Variants in HIP1 observed in about 807,000 individuals in gnomAD.
HIP1 encodes the protein huntingtin interacting protein 1.
A neutral mutation model predicts 147.6 loss-of-function variants in HIP1; 65 were observed. That is an observed-to-expected ratio of 0.44 (90% confidence interval 0.36 to 0.54). The LOEUF (loss-of-function observed/expected upper bound fraction) is 0.54, where lower values mean the gene tolerates loss of function less well. HIP1 is among the 20% of genes least tolerant of loss of function. HIP1 has a pLI of 0.00. For synonymous variants in HIP1, 479 were observed against 504.0 expected, an observed-to-expected ratio of 0.95 and a Z score of 0.67; for missense variants, 1,061 against 1,299.6, an observed-to-expected ratio of 0.82 and a Z score of 2.82.
intron 4 of HIP1, among the ~76,000 whole-genome samples, chr7:75,591,677 G>GA (rs1796504993): frequency 6.7e-6 from 1 of 148,492 alleles, no homozygotes; most frequent in African/African-American, 2.5e-5. Flanking sequence ...TTGAGGCCAG[G>GA]AGTTCAAGAC....
intron 1 of HIP1, among the ~76,000 whole-genome samples, chr7:75,634,390 C>T (rs1798350755): frequency 2.0e-5 from 3 of 152,240 alleles, no homozygotes; most frequent in Admixed American, 6.5e-5. Flanking sequence ...ACCCCCAGCT[C>T]ATCTTTTGAA....
At chr7:75,545,001 A>G (rs1794494520) in intron 26 of HIP1, 87 bp downstream of exon 26, 1 of 856,726 alleles carries the variant, frequency 1.2e-6, no homozygotes, top group Non-Finnish European at 1.9e-6. Context: ...TAAGGGACAG[A>G]TTTTTTTTTC....
chr7:75,718,067 G>A (rs1352276774), intron 1 of HIP1, among the ~76,000 whole-genome samples: 2 of 151,894 alleles, frequency 1.3e-5, no homozygotes, highest in Non-Finnish European at 2.9e-5. Context: ...AGGACTGCTT[G>A]AGGCCAGTAG....
intron 1 of HIP1, among the ~76,000 whole-genome samples, chr7:75,716,833 G>C (rs782732979): frequency 4.6e-5 from 7 of 151,014 alleles, no homozygotes; most frequent in Non-Finnish European, 7.4e-5. Flanking sequence ...TTTAGGGGGG[G>C]GGAAAGGATC....
chr7:75,704,231 ATTTTG>A (rs1383201307), intron 1 of HIP1, among the ~76,000 whole-genome samples: 1 of 151,966 alleles, frequency 6.6e-6, no homozygotes, highest in African/African-American at 2.4e-5. Flanking sequence ...CTTTTATTTT[ATTTTG>A]TTTTATTTAT....
intron 13 of HIP1, 109 bp downstream of exon 13, chr7:75,561,220 C>T: frequency 1.2e-6 from 1 of 866,322 alleles, no homozygotes; most frequent in South Asian, 1.3e-5. Flanking sequence ...TCCCAAAGTG[C>T]TAGGATTACA....
intron 1 of HIP1, among the ~76,000 whole-genome samples, chr7:75,716,010 A>AC (rs1411556260): frequency 6.6e-6 from 1 of 151,896 alleles, no homozygotes; most frequent in Non-Finnish European, 1.5e-5. Flanking sequence ...CAGAATGAGA[A>AC]CTCACTCATG....
chr7:75,582,369 G>A (rs1417647670), intron 5 of HIP1, among the ~76,000 whole-genome samples: 2 of 152,078 alleles, frequency 1.3e-5, no homozygotes, highest in African/African-American at 4.8e-5. Context: ...AAGAAAAAAA[G>A]AAAAATCGCT....
chr7:75,731,495 A>C (rs947208915), intron 1 of HIP1, among the ~76,000 whole-genome samples: 3 of 151,632 alleles, frequency 2.0e-5, no homozygotes, highest in East Asian at 1.9e-4. Context: ...AAAAAAAAAA[A>C]AAAACGCCAG....
intron 1 of HIP1, among the ~76,000 whole-genome samples, chr7:75,646,173 G>A (rs544248285): frequency 2.5e-4 from 38 of 152,112 alleles, no homozygotes; most frequent in African/African-American, 8.9e-4. Flanking sequence ...TCCACCTCCC[G>A]GGTTCAAACG....
At chr7:75,581,756 G>C (rs1796059644) in intron 6 of HIP1, among the ~76,000 whole-genome samples, 1 of 152,026 alleles carries the variant, frequency 6.6e-6, no homozygotes, top group Non-Finnish European at 1.5e-5. Context: ...TCCAGCCTGG[G>C]TAACAGGGCA....
intron 1 of HIP1, among the ~76,000 whole-genome samples, chr7:75,680,847 C>T (rs1209236250): frequency 6.6e-5 from 10 of 152,114 alleles, no homozygotes; most frequent in Admixed American, 1.3e-4. Context: ...ACGAATTCGG[C>T]TCACTGCAAG....
At chr7:75,539,817 A>G (rs2116719768) in intron 29 of HIP1, among the ~76,000 whole-genome samples, 1 of 152,314 alleles carries the variant, frequency 6.6e-6, no homozygotes, top group South Asian at 2.1e-4. Flanking sequence ...CTGGAAGTGA[A>G]TGATGCTTTA....
intron 1 of HIP1, among the ~76,000 whole-genome samples, chr7:75,664,424 GTGTA>G (rs1584932992): frequency 7.2e-6 from 1 of 139,314 alleles, no homozygotes; most frequent in East Asian, 2.2e-4. Context: ...ACATATGTGT[GTGTA>G]TACATATACA....
At chr7:75,702,240 A>C (rs1463026768) in intron 1 of HIP1, among the ~76,000 whole-genome samples, 4 of 151,858 alleles carry the variant, frequency 2.6e-5, no homozygotes, top group Non-Finnish European at 5.9e-5. Context: ...CCTCCCGAGT[A>C]GCTGGGATTA....
rs144815332 is a variant in HIP1 at position 75,637,596 on chromosome 7, C to T, written c.121-38349G>A. 1.1e-3 allele frequency among the ~76,000 whole-genome samples: 137 copies of T among 122,388 alleles called. 2 individuals carry two copies. In the East Asian group the frequency reaches 0.029, roughly 26 times the overall value. 80.3% of individuals were successfully genotyped at this position (122,388 alleles called of 152,430 possible). ...AGTTCTAATACATGCCCAAAGAAAGCGAGATTTCATGGCAGACAGACAAGG... is the reference window on the plus strand; with the variant it reads ...AGTTCTAATACATGCCCAAAGAAAGTGAGATTTCATGGCAGACAGACAAGG... On this transcript the variant is annotated intron_variant, in intron 1 of 30. Coordinates refer to ENST00000336926, the MANE Select transcript of HIP1 (RefSeq NM_005338.7).
intron 1 of HIP1, chr7:75,733,536 T>TG (rs1468768161): frequency 2.0e-5 from 3 of 152,096 alleles, no homozygotes; most frequent in African/African-American, 7.3e-5. Flanking sequence ...TGGTTGGAGA[T>TG]GGGTGCAGTG....
chr7:75,553,229 C>T (rs1215848309), intron 22 of HIP1, among the ~76,000 whole-genome samples: 3 of 152,094 alleles, frequency 2.0e-5, no homozygotes, highest in African/African-American at 4.8e-5. Flanking sequence ...TGAGCCATCC[C>T]GTCTAGCCTC....
chr7:75,577,315 G>T (rs1034909205), intron 7 of HIP1, among the ~76,000 whole-genome samples: 1 of 125,546 alleles, frequency 8.0e-6, no homozygotes, highest in Non-Finnish European at 1.6e-5. Flanking sequence ...CTCGGCGACA[G>T]AGTGAGATCC....
Sources: allele counts gnomAD v4.1 joint callset (sites outside exome capture counted in the v4.1 genomes callset), GRCh38; gene constraint gnomAD v4.1.1; transcripts MANE v1.5; gene names NCBI Gene and HGNC (gene_info 2026-07-23, HGNC 2026-07-21).